The following TANC2 variants were observed in gnomAD, a reference collection of about 807,000 sequenced individuals.
The protein encoded by TANC2 is protein TANC2.
TANC2 carries 26 observed loss-of-function variants against 210.5 expected under a neutral mutation model. The observed-to-expected ratio is 0.12, with a 90% CI of 0.09 to 0.17. The LOEUF (loss-of-function observed/expected upper bound fraction) is 0.17, where lower values mean the gene tolerates loss of function less well. TANC2 is among the 10% of genes least tolerant of loss of function. The pLI, the probability that TANC2 is intolerant of heterozygous loss-of-function variation, is 1.00. For missense variants in TANC2, 2,129 were observed against 2,608.9 expected (o/e 0.82, Z 4.01); for synonymous variants, 931 against 967.1 (o/e 0.96, Z 0.69).
At chr17:63,251,919 A>T (rs991370619) in intron 8 of TANC2, among the ~76,000 whole-genome samples, 8 of 152,320 alleles carry the variant, frequency 5.3e-5, no homozygotes, top group African/African-American at 1.7e-4. Context: ...AAGGCGATAG[A>T]ATAGTGATGT....
rs529352519 is a variant in TANC2 at position 63,330,612 on chromosome 17, G to C, written c.1576-9489G>C. On this transcript the variant is annotated intron_variant, in intron 11 of 27. Coordinates refer to ENST00000689528, the Ensembl canonical transcript of TANC2. ...TCTAATGCATTCATTAAAAGTGTCCGTTCTTTTATAAGAAAGATATGTTTT... is the reference window on the plus strand; with the variant it reads ...TCTAATGCATTCATTAAAAGTGTCCCTTCTTTTATAAGAAAGATATGTTTT... Among the ~76,000 whole-genome samples, 15 of 152,150 alleles carry C rather than the reference G, an allele frequency of 9.9e-5. No homozygotes were observed. In the East Asian group the frequency reaches 2.9e-3, roughly 29 times the overall value.
intron 9 of TANC2, among the ~76,000 whole-genome samples, chr17:63,268,700 G>A (rs2043605050): frequency 6.6e-6 from 1 of 152,084 alleles, no homozygotes; most frequent in Admixed American, 6.6e-5. Context: ...CCTAGCAAGA[G>A]CTACACAACC....
intron 8 of TANC2, among the ~76,000 whole-genome samples, chr17:63,249,549 A>G (rs538785879): frequency 1.3e-5 from 2 of 152,292 alleles, no homozygotes; most frequent in African/African-American, 4.8e-5. Context: ...ACATACAAAC[A>G]ACAGAAGTCA....
chr17:63,425,466 A>G (rs1474802975), exon 28 of TANC2: 1 of 152,250 alleles, frequency 6.6e-6, no homozygotes, highest in Non-Finnish European at 1.5e-5. Flanking sequence ...GAAAAAATTA[A>G]AAATTAATCA....
intron 21 of TANC2, among the ~76,000 whole-genome samples, chr17:63,408,408 T>C (rs953302308): frequency 6.6e-6 from 1 of 152,204 alleles, no homozygotes; most frequent in Non-Finnish European, 1.5e-5. Flanking sequence ...TTGTTTCATG[T>C]GTATCTCCTT....
intron 8 of TANC2, among the ~76,000 whole-genome samples, chr17:63,262,223 CTG>C (rs1452855259): frequency 6.6e-6 from 1 of 152,192 alleles, no homozygotes; most frequent in African/African-American, 2.4e-5. Flanking sequence ...GAGTCTCACT[CTG>C]TCGCCCAGGC....
At chr17:63,042,151 T>C (rs1048585480) in intron 2 of TANC2, among the ~76,000 whole-genome samples, 9 of 152,162 alleles carry the variant, frequency 5.9e-5, no homozygotes, top group African/African-American at 2.2e-4. Flanking sequence ...AATATGCCTG[T>C]AGTTTATTCT....
At chr17:63,151,313 A>G in exon 5 of TANC2, 1 of 985,848 alleles carries the variant, frequency 1.0e-6, no homozygotes, top group Non-Finnish European at 1.2e-6. Context: ...CACGAATTCC[A>G]GAATCCGAGC....
chr17:63,316,647 G>T lies in TANC2; in HGVS notation c.1441+1978G>T, dbSNP rs1054730709. ...AGTTAACTTTCCGAATTTGAAAGGA[G>T]TTAAGAGAGCTAAATATGCGGTTCT... On this transcript the variant is annotated intron_variant, in intron 10 of 27. Transcript: ENST00000689528. Among the ~76,000 whole-genome samples the T allele has an allele frequency of 8.5e-5, 13 of 152,320 alleles. No individual in the cohort carries two copies. The South Asian group carries it at 1.0e-3, about 12-fold the overall frequency.
chr17:63,290,231 C>T (rs192812284), intron 9 of TANC2, among the ~76,000 whole-genome samples: 60 of 152,290 alleles, frequency 3.9e-4, no homozygotes, highest in African/African-American at 1.4e-3. Flanking sequence ...AAAATGGTGG[C>T]GGCCCCCATC....
At chr17:63,205,138 A>G (rs146455683) in intron 7 of TANC2, among the ~76,000 whole-genome samples, 12 of 152,160 alleles carry the variant, frequency 7.9e-5, no homozygotes, top group East Asian at 7.7e-4. Flanking sequence ...TCTTGCATAT[A>G]TGGTCAAATG....
chr17:63,080,912 T>A (rs1048456667), intron 3 of TANC2, among the ~76,000 whole-genome samples: 1 of 152,208 alleles, frequency 6.6e-6, no homozygotes, highest in Admixed American at 6.5e-5. Context: ...AGAATAGTGT[T>A]GTGAAAGTAC....
At chr17:63,416,022 A>T (rs1180644816) in intron 26 of TANC2, among the ~76,000 whole-genome samples, 1 of 152,204 alleles carries the variant, frequency 6.6e-6, no homozygotes, top group Non-Finnish European at 1.5e-5. Context: ...AGTTGCAATT[A>T]GATGTGAATT....
intron 19 of TANC2, among the ~76,000 whole-genome samples, chr17:63,401,943 C>T (rs1445902851): frequency 1.3e-5 from 2 of 152,192 alleles, no homozygotes; most frequent in Non-Finnish European, 2.9e-5. Context: ...AATTGAGCTT[C>T]TGCCTCTAGC....
At chr17:63,327,354 C>G (rs1166454893) in intron 11 of TANC2, among the ~76,000 whole-genome samples, 1 of 152,156 alleles carries the variant, frequency 6.6e-6, no homozygotes, top group Non-Finnish European at 1.5e-5. Context: ...TCATATGATC[C>G]AGTAATCCTG....
At chr17:63,160,049 G>C (rs958708236) in intron 5 of TANC2, among the ~76,000 whole-genome samples, 39 of 152,210 alleles carry the variant, frequency 2.6e-4, no homozygotes, top group Non-Finnish European at 1.2e-4. Flanking sequence ...ATGCATGTCA[G>C]GAGAGGGAGG....
chr17:63,199,265 G>A (rs1307119024), intron 6 of TANC2, among the ~76,000 whole-genome samples: 1 of 152,130 alleles, frequency 6.6e-6, no homozygotes, highest in Non-Finnish European at 1.5e-5. Flanking sequence ...ATTTAAAGAT[G>A]TTAAATTTAT....
At chr17:63,136,073 C>T (rs575194652) in intron 4 of TANC2, among the ~76,000 whole-genome samples, 1 of 152,324 alleles carries the variant, frequency 6.6e-6, no homozygotes, top group African/African-American at 2.4e-5. Flanking sequence ...ACAACAGTTG[C>T]AGGCCATAGT....
exon 14 of TANC2, chr17:63,355,031 C>T: frequency 6.2e-7 from 1 of 1,613,896 alleles, no homozygotes; most frequent in Non-Finnish European, 8.5e-7. Flanking sequence ...TAGAGAAAGG[C>T]TATCTAGTGT....
Sources: gnomAD v4.1 joint callset for allele counts (sites outside exome capture counted in the v4.1 genomes callset) on GRCh38, gnomAD v4.1.1 for gene constraint, MANE v1.5 for transcripts, NCBI Gene and HGNC (gene_info 2026-07-23, HGNC 2026-07-21) for gene names.